The following SPINT1 variants were observed in gnomAD, a reference collection of about 807,000 sequenced individuals.
SPINT1 encodes the protein kunitz-type protease inhibitor 1.
Under a neutral mutation model 53.7 loss-of-function variants are expected in SPINT1, and 38 were observed. That is an observed-to-expected ratio of 0.71 (90% CI 0.55 to 0.93). SPINT1 has a LOEUF of 0.93. Ranked by LOEUF, SPINT1 falls within the 40% of genes least tolerant of loss-of-function variation. The pLI is 0.00. For missense variants in SPINT1, 645 were observed against 692.9 expected (o/e 0.93, Z 0.78); for synonymous variants, 283 against 280.6 (o/e 1.01, Z -0.08).
At chr15:40,845,318 ATTTTTTTTTTTTTTTTTT>A (rs34480117) in intron 2 of SPINT1, among the ~76,000 whole-genome samples, 1 of 58,200 alleles carries the variant, frequency 1.7e-5, no homozygotes, top group South Asian at 7.8e-4. Context: ...GACCCGGCTA[ATTTTTTTTTTTTTTTTTT>A]TTTTTTTTTT....
chr15:40,845,012 G>A lies in SPINT1; in HGVS notation c.458G>A (p.Arg153Gln). ...GTGTACCGCTCCTACCGCCAGCTGCGGACCCAGGGCTTTGGAGGTGAGGAG... is the reference window on the plus strand; with the variant it reads ...GTGTACCGCTCCTACCGCCAGCTGCAGACCCAGGGCTTTGGAGGTGAGGAG... ...REVYRSYRQLRTQGFGGSGIP... is the reference protein window; with the variant it reads ...REVYRSYRQLQTQGFGGSGIP... Residue 153 changes from arginine to glutamine, a missense_variant, in exon 2 of 11, where the codon CGG becomes CAG. Physicochemically the swap from Arg to Gln is conservative, Grantham distance 43. Coordinates refer to ENST00000562057, the MANE Select transcript of SPINT1 (RefSeq NM_003710.4). The A allele has an allele frequency of 6.2e-7, 1 of 1,609,514 alleles. No homozygotes were observed. The highest frequency in any genetic ancestry group is 8.5e-7 in the Non-Finnish European group (1 of 1,177,822).
At position 40,853,826 on chromosome 15, in the gene SPINT1, C is replaced by T; in HGVS notation, c.858C>T (p.Asn286=). 3 of 1,614,228 alleles carry T rather than the reference C, an allele frequency of 1.9e-6. No homozygotes were observed. The highest frequency in any genetic ancestry group is 2.5e-6 in the Non-Finnish European group (3 of 1,180,028). ...TCGTTTATGGAGGCTGCTTGGGCAA[C>T]AAGAACAACTACCTTCGGGAAGAAG... is the stretch of plus-strand genomic sequence containing the variant. The part of the protein sequence containing the change: ...KSFVYGGCLG[N]KNNYLREEEC... The change falls in exon 5 of 11, where the codon AAC becomes AAT. Residue 286 remains asparagine, a synonymous_variant. Transcript: ENST00000562057.
At chr15:40,853,978 CTCCCT>C in intron 5 of SPINT1, 77 bp from the exon 6 acceptor site, 5 of 1,592,496 alleles carry the variant, frequency 3.1e-6, no homozygotes, top group Non-Finnish European at 4.3e-6. Flanking sequence ...GGTGGGAGCT[CTCCCT>C]TGCCCACCCA....
chr15:40,856,365 T>C, intron 10 of SPINT1, 42 bp downstream of exon 10: 1 of 1,612,144 alleles, frequency 6.2e-7, no homozygotes, highest in Non-Finnish European at 8.5e-7. Context: ...AGCATGTAGG[T>C]ATCAACTCAC....
intron 3 of SPINT1, 93 bp downstream of exon 3, chr15:40,853,344 TG>T (rs1373575225): frequency 5.0e-6 from 8 of 1,602,196 alleles, no homozygotes; most frequent in Non-Finnish European, 6.8e-6. Flanking sequence ...TGGCCCCGGA[TG>T]GGATGGGGTG....
At chr15:40,850,795 C>T (rs1891432064) in intron 2 of SPINT1, among the ~76,000 whole-genome samples, 1 of 152,200 alleles carries the variant, frequency 6.6e-6, no homozygotes, top group Non-Finnish European at 1.5e-5. Context: ...TACTTGCCAG[C>T]CTCCTCGCTC....
At position 40,856,018 on chromosome 15, in the gene SPINT1, T is replaced by C. The variant is rs377395500; in HGVS notation, c.1244T>C (p.Phe415Ser). The C allele has an allele frequency of 1.6e-5, 26 of 1,614,092 alleles. No homozygotes were observed. The highest frequency in any genetic ancestry group is 2.2e-5 in the Non-Finnish European group (26 of 1,180,044). Residue 415 changes from phenylalanine to serine, a missense_variant, in exon 9 of 11, where the codon TTT becomes TCT. By Grantham distance (155) the Phe-to-Ser change is radical. Coordinates refer to ENST00000562057, the MANE Select transcript of SPINT1 (RefSeq NM_003710.4). Reference protein sequence around the residue: ...YGGCYGNKNNFEEEQQCLESC... With the variant: ...YGGCYGNKNNSEEEQQCLESC... ...GGTTGTTACGGCAACAAGAACAACT[T>C]TGAGGAAGAGCAGCAGTGCCTCGAG...
Position 40,844,828 on chromosome 15 carries a change from T to C in SPINT1, c.274T>C (p.Cys92Arg), listed in dbSNP as rs759670416. ...RRGWDCVRACCTTQNCNLALV... is the reference protein window; with the variant it reads ...RRGWDCVRACRTTQNCNLALV... ...GGGCTGGGACTGCGTGCGCGCCTGC[T>C]GCACCACCCAGAACTGCAACTTGGC... Residue 92 changes from cysteine to arginine, a missense_variant, in exon 2 of 11, where the codon TGC becomes CGC. Cys to Arg is a radical substitution (Grantham distance 180). Transcript: ENST00000562057. The surrounding 1 kb of genome is among the most constrained non-coding windows in gnomAD (Gnocchi z 5.8). 1 of 1,613,770 alleles carries C rather than the reference T, an allele frequency of 6.2e-7. No individual in the cohort carries two copies. The highest frequency in any genetic ancestry group is 8.5e-7 in the Non-Finnish European group (1 of 1,179,964).
rs1461560975 is a variant in SPINT1, at chr15:40,854,620, T to G, written c.1067-19T>G. ...GAGACCCTTGTTGGGTCTGAGACTC[T>G]GACCTTTCCTCTCTGCAGACACGAG... On this transcript the variant is annotated intron_variant, in intron 7 of 10. Coordinates refer to ENST00000562057, the MANE Select transcript of SPINT1 (RefSeq NM_003710.4). The G allele has an allele frequency of 6.2e-7, 1 of 1,614,246 alleles. No homozygotes were observed. Among genetic ancestry groups the G allele is most frequent in the Non-Finnish European group, 8.5e-7 (1 of 1,180,042 alleles).
In SPINT1 at chr15:40,857,621, A is replaced by C. The variant is rs1891693299; in HGVS notation, c.*646A>C. ...CCAAGGTTCTCCAACATCACAGCCC[A>C]GCCCGCCCACTGGGTAATAAAAGTG... On this transcript the variant is annotated 3_prime_UTR_variant, in exon 11 of 11. Coordinates refer to ENST00000562057, the MANE Select transcript of SPINT1 (RefSeq NM_003710.4). 1 of 152,292 alleles carries C rather than the reference A, an allele frequency of 6.6e-6. No individual in the cohort carries two copies. The highest frequency in any genetic ancestry group is 1.5e-5 in the Non-Finnish European group (1 of 68,140). The allele number at this position is 152,292 out of a possible 1,614,324, so 9.4% of individuals were successfully genotyped here. A position where few individuals can be genotyped will look rare whatever the true frequency, so the allele number is the denominator to read the frequency against.
intron 2 of SPINT1, among the ~76,000 whole-genome samples, chr15:40,852,891 A>C (rs1055167818): frequency 4.6e-5 from 7 of 151,156 alleles, no homozygotes; most frequent in African/African-American, 1.7e-4. Context: ...AAAAAAAAGG[A>C]AAGAAAGTGG....
intron 2 of SPINT1, 26 bp from the exon 3 acceptor site, chr15:40,853,098 C>T (rs560850491): frequency 1.9e-6 from 3 of 1,610,322 alleles, no homozygotes; most frequent in African/African-American, 2.7e-5. Context: ...GAGAATTGAC[C>T]TTATCTCACT....
In SPINT1 at chr15:40,858,119, T is replaced by C. The variant is rs552486820; in HGVS notation, c.*1144T>C. 1 of 150,192 alleles carries C rather than the reference T, an allele frequency of 6.7e-6. No homozygotes were observed. Among genetic ancestry groups the C allele is most frequent in the Admixed American group, 6.6e-5 (1 of 15,076 alleles). 9.3% of individuals were successfully genotyped at this position (150,192 alleles called of 1,614,324 possible). ...TGAGCTCCTTCCCAGGAGCCTTTAG[T>C]AGAGACACGCCACTCCAACCCACAC... On this transcript the variant is annotated 3_prime_UTR_variant, in exon 11 of 11. Coordinates refer to ENST00000562057, the MANE Select transcript of SPINT1 (RefSeq NM_003710.4).
In SPINT1 at chr15:40,854,685, C is replaced by T. The variant is rs775375005; in HGVS notation, c.1113C>T (p.Asp371=). The change falls in exon 8 of 11, where the codon GAC becomes GAT. Residue 371 remains aspartate, a synonymous_variant. Coordinates refer to ENST00000562057, the MANE Select transcript of SPINT1 (RefSeq NM_003710.4). ...TCCAGCGCATCCATTTCCCCAGTGA[C>T]AAAGGTGAGATCCTCCCCAGGTGCC... ...DELQRIHFPS[D]KGHCVDLPDT... 2 of 1,614,108 alleles carry T rather than the reference C, an allele frequency of 1.2e-6. No homozygotes were observed. The highest frequency in any genetic ancestry group is 2.2e-5 in the South Asian group (2 of 91,082).
chr15:40,854,482 C>T lies in SPINT1; in HGVS notation c.1026C>T (p.Pro342=), dbSNP rs924400401. The change falls in exon 7 of 11, where the codon CCC becomes CCT. Residue 342 remains proline, a synonymous_variant. Coordinates refer to ENST00000562057, the MANE Select transcript of SPINT1 (RefSeq NM_003710.4). ...IDSFLECDDT[P]NCPDASDEAA... ...GTTTCCTGGAGTGTGACGACACCCC[C>T]AACTGCCCCGACGCCTCCGACGAGG... The T allele has an allele frequency of 1.9e-6, 3 of 1,613,582 alleles. No homozygotes were observed. The highest frequency in any genetic ancestry group is 1.3e-5 in the African/African-American group (1 of 75,036).
Position 40,853,826 on chromosome 15 carries a change from C to A in SPINT1, c.858C>A (p.Asn286Lys). Residue 286 changes from asparagine to lysine, a missense_variant, in exon 5 of 11, where the codon AAC (asparagine) becomes AAA (lysine). Physicochemically the swap from Asn to Lys is moderately conservative, Grantham distance 94. Transcript: ENST00000562057. ...KSFVYGGCLGNKNNYLREEEC... is the reference protein window; with the variant it reads ...KSFVYGGCLGKKNNYLREEEC... ...TCGTTTATGGAGGCTGCTTGGGCAA[C>A]AAGAACAACTACCTTCGGGAAGAAG... The A allele has an allele frequency of 6.2e-7, 1 of 1,614,228 alleles. No homozygotes were observed. Among genetic ancestry groups the A allele is most frequent in the Non-Finnish European group, 8.5e-7 (1 of 1,180,028 alleles).
chr15:40,849,032 G>A (rs1383922233), intron 2 of SPINT1, among the ~76,000 whole-genome samples: 1 of 151,804 alleles, frequency 6.6e-6, no homozygotes, highest in Non-Finnish European at 1.5e-5. Context: ...GGATCACGAG[G>A]TCGGGAGATT....
Position 40,855,993 on chromosome 15 carries a change from GGTT to G in SPINT1, c.1223_1225del (p.Cys408del), listed in dbSNP as rs1891625559. The stretch of plus-strand genomic sequence containing the variant: ...ACACTGCGCCCGCTTTACCTATGGT[GGTT>G]GTTACGGCAACAAGAACAACTTTGA... On this transcript the variant is annotated inframe_deletion, in exon 9 of 11. Transcript: ENST00000562057. 4 of 1,614,222 alleles carry G rather than the reference GGTT, an allele frequency of 2.5e-6. No homozygotes were observed. Among genetic ancestry groups the G allele is most frequent in the Non-Finnish European group, 3.4e-6 (4 of 1,180,040 alleles).
chr15:40,849,325 C>A (rs535094442), intron 2 of SPINT1, among the ~76,000 whole-genome samples: 1 of 151,998 alleles, frequency 6.6e-6, no homozygotes, highest in Admixed American at 6.6e-5. Flanking sequence ...CAGCTCGCTG[C>A]AGCCTCAACC....
Sources: gnomAD v4.1 joint callset for allele counts (sites outside exome capture counted in the v4.1 genomes callset) on GRCh38, gnomAD v4.1.1 for gene constraint, Gnocchi (gnomAD v3.1) non-coding constraint, MANE v1.5 for transcripts, NCBI Gene and HGNC (gene_info 2026-07-23, HGNC 2026-07-21) for gene names.